Variants in IL1R2 observed in about 807,000 individuals in gnomAD.
The protein encoded by IL1R2 is interleukin-1 receptor type 2.
Under a neutral mutation model 39.5 loss-of-function variants are expected in IL1R2, and 46 were observed. The ratio of observed to expected loss-of-function variants is 1.16; its 90% CI spans 0.92 to 1.49. The LOEUF is 1.49. Ranked by LOEUF, IL1R2 falls within the 40% of genes most tolerant of loss-of-function variation. The pLI, the probability that IL1R2 is intolerant of heterozygous loss-of-function variation, is 0.00. For synonymous variants in IL1R2, 207 were observed against 189.6 expected (o/e 1.09, Z -0.75); for missense variants, 537 against 502.0 (o/e 1.07, Z -0.67).
At chr2:102,002,818 G>A (rs62640428) in intron 1 of IL1R2, among the ~76,000 whole-genome samples, 6 of 33,826 alleles carry the variant, frequency 1.8e-4, no homozygotes, top group African/African-American at 3.1e-4. Context: ...CTATGTCTGT[G>A]TCTTTGTCCC....
chr2:102,003,555 T>A (rs111162197), intron 1 of IL1R2, among the ~76,000 whole-genome samples: 2,159 of 106,100 alleles, frequency 0.02, 3 homozygotes, highest in African/African-American at 0.11. Flanking sequence ...TGGCTGTGGC[T>A]GTGTCTGTGT....
chr2:102,000,077 G>A (rs1053589550), intron 1 of IL1R2, among the ~76,000 whole-genome samples: 2 of 152,114 alleles, frequency 1.3e-5, no homozygotes, highest in East Asian at 1.9e-4. Flanking sequence ...GCAGGAATTC[G>A]GCAGAATGCA....
chr2:102,017,561 G>T (rs761467079), intron 4 of IL1R2, among the ~76,000 whole-genome samples: 1 of 152,126 alleles, frequency 6.6e-6, no homozygotes, highest in African/African-American at 2.4e-5. Context: ...TGTAGACCGG[G>T]GTTGGAAAAC....
At chr2:102,023,959 G>C (rs1411847557) in intron 6 of IL1R2, among the ~76,000 whole-genome samples, 1 of 152,074 alleles carries the variant, frequency 6.6e-6, no homozygotes, top group African/African-American at 2.4e-5. Flanking sequence ...CGAGGCAGGA[G>C]AATGGCGTGA....
At chr2:102,014,816 G>A (rs972200078) in intron 3 of IL1R2, among the ~76,000 whole-genome samples, 2 of 151,654 alleles carry the variant, frequency 1.3e-5, no homozygotes, top group Non-Finnish European at 2.9e-5. Context: ...CTACTTAAAA[G>A]AGTAGTTTTA....
In IL1R2 at chr2:102,003,786, C is replaced by CTCTGTG. The variant is rs1286174627; in HGVS notation, c.-61-4716_-61-4711dup. Among the ~76,000 whole-genome samples, 293 of 35,316 alleles carry CTCTGTG rather than the reference C, an allele frequency of 8.3e-3. 3 individuals are homozygous for CTCTGTG. The highest frequency in any genetic ancestry group is 0.016 in the African/African-American group (129 of 7,928). The allele number at this position is 35,316 out of a possible 152,430, so 23.2% of individuals were successfully genotyped here. ...TAGGTCTATGTCTACGTGTATATCT[C>CTCTGTG]TCTGTGTCTGTGTCTGTGGCTGTGC... is the stretch of plus-strand genomic sequence containing the variant. On this transcript the variant is annotated intron_variant, in intron 1 of 8. Transcript: ENST00000332549.
Position 102,016,031 on chromosome 2 carries a change from G to A in IL1R2, c.493G>A (p.Val165Met), listed in dbSNP as rs529315850. 1.2e-5 allele frequency: 20 copies of A among 1,613,382 alleles called. No individual in the cohort carries two copies. The South Asian group carries it at 1.3e-4, about 11-fold the overall frequency. The stretch of plus-strand genomic sequence containing the variant: ...TGAATTCACCCGTGACAAAACTGAC[G>A]TGAAGATTCAATGGTACAAGGTACG... ...LSEFTRDKTD[V>M]KIQWYKDSLL... Residue 165 changes from valine to methionine, a missense_variant, in exon 4 of 9, where the codon GTG becomes ATG. Physicochemically the swap from Val to Met is conservative, Grantham distance 21. Coordinates refer to ENST00000332549, the MANE Select transcript of IL1R2 (RefSeq NM_004633.4).
At chr2:102,020,137 A>G (rs1677278963) in intron 5 of IL1R2, among the ~76,000 whole-genome samples, 1 of 152,174 alleles carries the variant, frequency 6.6e-6, no homozygotes, top group Non-Finnish European at 1.5e-5. Flanking sequence ...GAAGCTTTGC[A>G]CCTATAGGGC....
intron 6 of IL1R2, among the ~76,000 whole-genome samples, chr2:102,024,191 A>G (rs3218973): frequency 6.6e-6 from 1 of 152,096 alleles, no homozygotes; most frequent in South Asian, 2.1e-4. Context: ...GAATCCACAC[A>G]TTGATCTGGA....
At position 102,008,400 on chromosome 2, in the gene IL1R2, G is replaced by A. The variant is rs536297936; in HGVS notation, c.-61-115G>A. 98 of 618,140 alleles carry A rather than the reference G, an allele frequency of 1.6e-4. 1 individual carries two copies. The East Asian group carries it at 2.3e-3, about 14-fold the overall frequency. 38.3% of individuals were successfully genotyped at this position (618,140 alleles called of 1,614,324 possible). A position where few individuals can be genotyped will look rare whatever the true frequency, so the allele number is the denominator to read the frequency against. On this transcript the variant is annotated intron_variant, in intron 1 of 8. Transcript: ENST00000332549. ...TGAGTTTTGTTCTTAAACAGAGTAG[G>A]CCAAAAGGTTCCCATTATCCAGTGA...
chr2:102,014,893 C>T, intron 3 of IL1R2, among the ~76,000 whole-genome samples: 1 of 150,914 alleles, frequency 6.6e-6, no homozygotes, highest in Non-Finnish European at 1.5e-5. Flanking sequence ...TTCCCTTTTT[C>T]CAGCTCTAAG....
In IL1R2 at chr2:102,024,665, G is replaced by A. The variant is rs759636734; in HGVS notation, c.884G>A (p.Arg295His). 24 of 1,614,002 alleles carry A rather than the reference G, an allele frequency of 1.5e-5. No individual in the cohort carries two copies. Among genetic ancestry groups the A allele is most frequent in the African/African-American group, 1.5e-4 (11 of 74,914 alleles). Residue 295 changes from arginine (R) to histidine (H), a missense_variant, in exon 7 of 9, where the codon CGC becomes CAC. By Grantham distance (29) the Arg-to-His change is conservative. Coordinates refer to ENST00000332549, the MANE Select transcript of IL1R2 (RefSeq NM_004633.4). Reference protein sequence around the residue: ...YPGGRVTEGPRQEYSENNENY... With the variant: ...YPGGRVTEGPHQEYSENNENY... ...GGAGGCCGCGTGACCGAGGGGCCACGCCAGTAAGTGGGCCAGGGTCTTCTG... is the reference window on the plus strand; with the variant it reads ...GGAGGCCGCGTGACCGAGGGGCCACACCAGTAAGTGGGCCAGGGTCTTCTG...
At chr2:101,999,133 A>G (rs533737616) in intron 1 of IL1R2, 1 of 152,490 alleles carries the variant, frequency 6.6e-6, no homozygotes, top group East Asian at 1.9e-4. Flanking sequence ...GAAATATGCT[A>G]CATGCCTTTG....
At chr2:102,008,230 C>T (rs566987165) in intron 1 of IL1R2, among the ~76,000 whole-genome samples, 4 of 152,224 alleles carry the variant, frequency 2.6e-5, no homozygotes, top group Non-Finnish European at 2.9e-5. Context: ...CTGGCCAAGG[C>T]GCAGGAATGG....
At chr2:102,024,356 G>A (rs1677593632) in intron 6 of IL1R2, among the ~76,000 whole-genome samples, 177 bp from the exon 7 acceptor site, 1 of 152,176 alleles carries the variant, frequency 6.6e-6, no homozygotes, top group Non-Finnish European at 1.5e-5. Flanking sequence ...GAGGTACTTC[G>A]TAAACAGTAA....
intron 3 of IL1R2, among the ~76,000 whole-genome samples, chr2:102,013,524 CA>C (rs771727938): frequency 0.13 from 726 of 5,656 alleles, no homozygotes; most frequent in Middle Eastern, 0.25. Flanking sequence ...TCTATCACTG[CA>C]AAAAAAAAAA....
chr2:102,012,803 C>T (rs1232654475), intron 3 of IL1R2, among the ~76,000 whole-genome samples: 1 of 152,152 alleles, frequency 6.6e-6, no homozygotes, highest in Non-Finnish European at 1.5e-5. Flanking sequence ...CTAATTTTCT[C>T]TAAGGAGTAC....
intron 1 of IL1R2, among the ~76,000 whole-genome samples, chr2:101,995,784 C>T (rs987921389): frequency 5.3e-5 from 8 of 152,196 alleles, no homozygotes; most frequent in East Asian, 1.9e-4. Flanking sequence ...CAGAGCCACT[C>T]GGGGACCCAG....
intron 5 of IL1R2, among the ~76,000 whole-genome samples, chr2:102,021,631 T>A (rs1266416208): frequency 1.3e-5 from 2 of 152,232 alleles, no homozygotes; most frequent in Non-Finnish European, 2.9e-5. Context: ...TTCTTTACGT[T>A]GGCTCTAATC....
Sources: allele counts gnomAD v4.1 joint callset (sites outside exome capture counted in the v4.1 genomes callset), GRCh38; gene constraint gnomAD v4.1.1; transcripts MANE v1.5; gene names NCBI Gene and HGNC (gene_info 2026-07-23, HGNC 2026-07-21).